RBFOX1: variants seen among roughly 807,000 people sequenced by gnomAD.
RBFOX1 encodes the protein RNA binding protein fox-1 homolog 1.
Under a neutral mutation model 57.7 loss-of-function variants are expected in RBFOX1, and 8 were observed. The observed-to-expected ratio is 0.14, with a 90% confidence interval of 0.08 to 0.25. RBFOX1 has a LOEUF of 0.25. Among genes scored for constraint, RBFOX1 ranks in the 10% least tolerant of loss-of-function variants. The pLI, the probability that RBFOX1 is intolerant of heterozygous loss-of-function variation, is 1.00. For synonymous variants in RBFOX1, 326 were observed against 222.4 expected (o/e 1.47, Z -4.15); for missense variants, 611 against 548.5 (o/e 1.11, Z -1.14).
intron 1 of RBFOX1, among the ~76,000 whole-genome samples, chr16:5,268,037 C>T (rs1701282842): frequency 6.6e-6 from 1 of 152,000 alleles, no homozygotes; most frequent in African/African-American, 2.4e-5. Context: ...TGAGATCACA[C>T]CGCTGCATTC....
rs144467767 is a variant in RBFOX1, at chr16:7,705,208, T to C, written c.996-3848T>C. The stretch of plus-strand genomic sequence containing the variant: ...TGGATTTGCATGTGTGCAGGAACGA[T>C]CAAGAAAGCCTGTGTGGGCCGGGCA... On this transcript the variant is annotated intron_variant, in intron 14 of 15. Transcript: ENST00000550418. Among the ~76,000 whole-genome samples the C allele has an allele frequency of 1.5e-4, 23 of 151,456 alleles. No homozygotes were observed. The East Asian group carries it at 3.2e-3, about 21-fold the overall frequency.
At chr16:7,116,597 A>G (rs900736781) in intron 4 of RBFOX1, among the ~76,000 whole-genome samples, 1 of 152,328 alleles carries the variant, frequency 6.6e-6, no homozygotes, top group Admixed American at 6.5e-5. Flanking sequence ...TTTGGAAAAG[A>G]AAAACAAAGC....
chr16:6,169,491 A>G (rs1322350251), intron 1 of RBFOX1, among the ~76,000 whole-genome samples: 1 of 152,216 alleles, frequency 6.6e-6, no homozygotes, highest in Non-Finnish European at 1.5e-5. Context: ...TAATTGAACA[A>G]TGAACGATTC....
chr16:6,936,064 C>T (rs72772291), intron 3 of RBFOX1, among the ~76,000 whole-genome samples: 17,002 of 152,210 alleles, frequency 0.11, 1,174 homozygotes, highest in East Asian at 0.16. Context: ...TTGCCTGCGT[C>T]AGGCTGACTG....
At chr16:5,545,390 C>G (rs1264387967) in intron 2 of RBFOX1, among the ~76,000 whole-genome samples, 2 of 152,000 alleles carry the variant, frequency 1.3e-5, no homozygotes, top group Non-Finnish European at 2.9e-5. Flanking sequence ...AATAGCAAAA[C>G]CTGACAGAGA....
At chr16:5,362,714 C>G (rs975667670) in intron 1 of RBFOX1, among the ~76,000 whole-genome samples, 1 of 152,126 alleles carries the variant, frequency 6.6e-6, no homozygotes, top group Non-Finnish European at 1.5e-5. Context: ...CCTCTCCCCT[C>G]AGCCCCCGAC....
chr16:5,294,747 C>T lies in RBFOX1; in HGVS notation c.219+54642C>T, dbSNP rs181557380. Among the ~76,000 whole-genome samples the T allele has an allele frequency of 2.1e-3, 320 of 151,908 alleles. 1 individual carries two copies. The highest frequency in any genetic ancestry group is 3.1e-3 in the Non-Finnish European group (212 of 67,974). On this transcript the variant is annotated intron_variant, in intron 1 of 2. Coordinates refer to the RBFOX1 transcript ENST00000585867. The stretch of plus-strand genomic sequence containing the variant: ...GCACTTGGACATGGCATAAAAAAGA[C>T]AGGCCAGGTGCAGTGGCTCACGCCT...
chr16:5,518,886 G>A (rs533761907), intron 2 of RBFOX1, among the ~76,000 whole-genome samples: 108 of 152,272 alleles, frequency 7.1e-4, no homozygotes, highest in African/African-American at 2.5e-3. Context: ...CCACACATTC[G>A]TATGTTGAGG....
intron 2 of RBFOX1, among the ~76,000 whole-genome samples, chr16:5,552,424 C>T (rs2045501383): frequency 6.6e-6 from 1 of 152,166 alleles, no homozygotes; most frequent in South Asian, 2.1e-4. Context: ...ATTAAATGCT[C>T]ACATAGCCCA....
At chr16:7,558,392 TCA>T (rs1420032397) in intron 5 of RBFOX1, among the ~76,000 whole-genome samples, 3 of 151,860 alleles carry the variant, frequency 2.0e-5, no homozygotes, top group African/African-American at 7.3e-5. Flanking sequence ...GCGCACACAC[TCA>T]CACACATATA....
chr16:5,659,138 T>C (rs1341771410), intron 3 of RBFOX1, among the ~76,000 whole-genome samples: 1 of 152,030 alleles, frequency 6.6e-6, no homozygotes, highest in Non-Finnish European at 1.5e-5. Flanking sequence ...TGCAGAAGTG[T>C]TCCCTGTTCA....
intron 1 of RBFOX1, among the ~76,000 whole-genome samples, chr16:6,180,432 C>T (rs1366026683): frequency 6.6e-6 from 1 of 150,884 alleles, no homozygotes; most frequent in African/African-American, 2.4e-5. Context: ...ATAAGATACC[C>T]TTATAATCCT....
chr16:7,052,293 G>T (rs574724835), intron 4 of RBFOX1, among the ~76,000 whole-genome samples, 195 bp downstream of exon 4: 1 of 152,154 alleles, frequency 6.6e-6, no homozygotes, highest in Non-Finnish European at 1.5e-5. Context: ...TGGAAGTGCC[G>T]TTATAGTAGA....
chr16:7,190,479 A>C (rs9940493), intron 4 of RBFOX1, among the ~76,000 whole-genome samples: 1 of 152,116 alleles, frequency 6.6e-6, no homozygotes, highest in Admixed American at 6.5e-5. Flanking sequence ...GTATTTTTAC[A>C]TATCATCCAG....
chr16:6,757,840 G>A (rs2076040662), intron 3 of RBFOX1, among the ~76,000 whole-genome samples: 1 of 152,134 alleles, frequency 6.6e-6, no homozygotes, highest in South Asian at 2.1e-4. Flanking sequence ...TGAGGTGATG[G>A]ATACCCCCAA....
chr16:6,463,320 A>C (rs921416147), intron 2 of RBFOX1, among the ~76,000 whole-genome samples: 3 of 152,130 alleles, frequency 2.0e-5, no homozygotes, highest in African/African-American at 7.2e-5. Flanking sequence ...CACAGATCAC[A>C]ATTTCTGAAC....
chr16:7,012,666 A>G (rs2093708183), intron 3 of RBFOX1, among the ~76,000 whole-genome samples: 1 of 152,212 alleles, frequency 6.6e-6, no homozygotes, highest in South Asian at 2.1e-4. Context: ...TTATGGGACA[A>G]TTAATTTTAA....
intron 14 of RBFOX1, chr16:7,693,331 G>T: frequency 6.2e-7 from 1 of 1,612,010 alleles, no homozygotes; most frequent in Non-Finnish European, 8.5e-7. Flanking sequence ...GTTCGTCTTC[G>T]TTGCAGCAGA....
At position 5,828,680 on chromosome 16, in the gene RBFOX1, C is replaced by T. The variant is rs191475022; in HGVS notation, c.319-38623C>T. Among the ~76,000 whole-genome samples, 608 of 151,262 alleles carry T rather than the reference C, an allele frequency of 4.0e-3. 2 individuals are homozygous for T. The highest frequency in any genetic ancestry group is 0.017 in the Middle Eastern group (5 of 294). Reference sequence around the variant, plus strand: ...TGCTACTGCAGTCCAGCCTGGTGAGCGAGACTCCAAAAAAGAAAAGAAAAG... The same window carrying T: ...TGCTACTGCAGTCCAGCCTGGTGAGTGAGACTCCAAAAAAGAAAAGAAAAG... On this transcript the variant is annotated intron_variant, in intron 3 of 19. Coordinates refer to the RBFOX1 transcript ENST00000641259.
Sources: allele counts gnomAD v4.1 joint callset (sites outside exome capture counted in the v4.1 genomes callset), GRCh38; gene constraint gnomAD v4.1.1; transcripts MANE v1.5; gene names NCBI Gene and HGNC (gene_info 2026-07-23, HGNC 2026-07-21).